NEU3: variants seen among roughly 807,000 people sequenced by gnomAD.
NEU3 encodes sialidase-3.
A neutral mutation model predicts 11.4 loss-of-function variants in NEU3; 10 were observed. The observed-to-expected ratio is 0.88, with a 90% CI of 0.54 to 1.49. NEU3 has a LOEUF of 1.49. Ranked by LOEUF, NEU3 falls within the 40% of genes most tolerant of loss-of-function variation. The pLI is 0.00. For synonymous variants in NEU3, 212 were observed against 228.2 expected, an observed-to-expected ratio of 0.93 and a Z score of 0.64; for missense variants, 529 against 581.8, an observed-to-expected ratio of 0.91 and a Z score of 0.93.
At position 74,989,059 on chromosome 11, in the gene NEU3, G is replaced by A. The variant is rs1179660716; in HGVS notation, c.-2G>A. 1 of 1,550,038 alleles carries A rather than the reference G, an allele frequency of 6.5e-7. No homozygotes were observed. The highest frequency in any genetic ancestry group is 2.0e-5 in the Admixed American group (1 of 50,968). Reference sequence around the variant, plus strand: ...GCCGGTGCCTCTTCCGGGCTTCGGCGAATGAGACCTGCGGACCTGCCCCCG... The same window carrying A: ...GCCGGTGCCTCTTCCGGGCTTCGGCAAATGAGACCTGCGGACCTGCCCCCG... On this transcript the variant is annotated 5_prime_UTR_variant, in exon 1 of 3. Transcript: ENST00000294064.
chr11:74,989,195 C>T lies in NEU3; in HGVS notation c.94+41C>T, dbSNP rs372716974. Reference sequence around the variant, plus strand: ...AGACAGGAGAGCTCCCCGAGGAGGACTCAACTGTGGGGACAGGTTGAGCAA... The same window carrying T: ...AGACAGGAGAGCTCCCCGAGGAGGATTCAACTGTGGGGACAGGTTGAGCAA... On this transcript the variant is annotated intron_variant, in intron 1 of 2. Coordinates refer to ENST00000294064, the MANE Select transcript of NEU3 (RefSeq NM_006656.6). 7 of 1,489,572 alleles carry T rather than the reference C, an allele frequency of 4.7e-6. No individual in the cohort carries two copies. The African/African-American group carries it at 8.4e-5, about 18-fold the overall frequency. The allele number at this position is 1,489,572 out of a possible 1,614,324, so 92.3% of individuals were successfully genotyped here.
Position 75,005,692 on chromosome 11 carries a change from C to T in NEU3, c.586C>T (p.Pro196Ser), listed in dbSNP as rs144642169. The change falls in exon 3 of 3, where the codon CCA becomes TCA. Residue 196 changes from proline (P) to serine (S), a missense_variant. By Grantham distance (74) the Pro-to-Ser change is moderately conservative (BLOSUM62 -1). Coordinates refer to ENST00000294064, the MANE Select transcript of NEU3 (RefSeq NM_006656.6). The stretch of plus-strand genomic sequence containing the variant: ...GCACTGGGCCACATTTGCTGTGGGC[C>T]CAGGTCATGGCATCCAGCTGCAGTC... ...LKHWATFAVG[P>S]GHGIQLQSGR... 16 of 1,613,948 alleles carry T rather than the reference C, an allele frequency of 9.9e-6. No homozygotes were observed. Among genetic ancestry groups the T allele is most frequent in the Non-Finnish European group, 1.4e-5 (16 of 1,179,872 alleles).
At chr11:74,987,963 T>A (rs1948687839), upstream of NEU3, among the ~76,000 whole-genome samples, 1 of 136,128 alleles carries the variant, frequency 7.3e-6, no homozygotes, top group South Asian at 2.3e-4. Context: ...CTATGTTCTT[T>A]CAAAGAACCC....
At chr11:74,991,766 T>C (rs1948734710) in intron 1 of NEU3, among the ~76,000 whole-genome samples, 1 of 152,232 alleles carries the variant, frequency 6.6e-6, no homozygotes, top group Admixed American at 6.5e-5. Flanking sequence ...CCTTGTCCTC[T>C]GCGCTTCTCC....
At chr11:74,988,678 G>T, upstream of NEU3, 1 of 286,436 alleles carries the variant, frequency 3.5e-6, no homozygotes, top group Non-Finnish European at 6.6e-6. Context: ...CAATATAAGA[G>T]CTCGGGGCTG....
chr11:75,017,821 G>C (rs962279837), intron 3 of NEU3, among the ~76,000 whole-genome samples: 1 of 152,140 alleles, frequency 6.6e-6, no homozygotes, highest in African/African-American at 2.4e-5. Flanking sequence ...GAACAATGGG[G>C]GCCTCTGGTC....
chr11:74,994,596 C>T lies in NEU3; in HGVS notation c.182C>T (p.Ala61Val). ...AGAGGGATTACCTACCGGATCCCAG[C>T]CCTGCTCTACATACCCCCCACCCAC... ...DDRGITYRIP[A>V]LLYIPPTHTF... Residue 61 changes from alanine (A) to valine (V), a missense_variant, in exon 2 of 3, where the codon GCC becomes GTC. By Grantham distance (64) the Ala-to-Val change is moderately conservative. Transcript: ENST00000294064. 2 of 1,613,964 alleles carry T rather than the reference C, an allele frequency of 1.2e-6. No homozygotes were observed. Among genetic ancestry groups the T allele is most frequent in the South Asian group, 2.2e-5 (2 of 91,078 alleles).
chr11:75,011,758 C>T (rs1008274485), downstream of NEU3, among the ~76,000 whole-genome samples: 3 of 152,240 alleles, frequency 2.0e-5, no homozygotes, highest in Middle Eastern at 3.4e-3. Context: ...TACCCATCCT[C>T]ACAGAAACTT....
chr11:75,015,190 A>T (rs1325114823), downstream of NEU3, among the ~76,000 whole-genome samples: 1 of 152,054 alleles, frequency 6.6e-6, no homozygotes, highest in African/African-American at 2.4e-5. Context: ...GGGATTGGTG[A>T]CCTTATAAAA....
At chr11:75,017,324 G>T (rs1948984578) in intron 3 of NEU3, among the ~76,000 whole-genome samples, 1 of 152,172 alleles carries the variant, frequency 6.6e-6, no homozygotes, top group Non-Finnish European at 1.5e-5. Flanking sequence ...ACTTGCTAAG[G>T]TGCTGAGGCT....
upstream of NEU3, among the ~76,000 whole-genome samples, chr11:74,983,547 A>G (rs189667598): frequency 7.4e-4 from 112 of 152,348 alleles, no homozygotes; most frequent in African/African-American, 2.5e-3. Context: ...TCTTGAGGAA[A>G]CAACAGCGGC....
chr11:74,987,890 T>TTTTTTTG (rs1948685359), upstream of NEU3, among the ~76,000 whole-genome samples: 1 of 84,138 alleles, frequency 1.2e-5, no homozygotes, highest in African/African-American at 5.1e-5. Flanking sequence ...CTAGGCCTTT[T>TTTTTTTG]TTTTTTTCTT....
upstream of NEU3, among the ~76,000 whole-genome samples, chr11:74,985,373 G>C (rs927841663): frequency 6.6e-6 from 1 of 152,078 alleles, no homozygotes; most frequent in African/African-American, 2.4e-5. Flanking sequence ...CTGGAATGTG[G>C]TGTTTATTAT....
At chr11:75,016,765 C>G (rs1330400449) in intron 3 of NEU3, among the ~76,000 whole-genome samples, 1 of 152,174 alleles carries the variant, frequency 6.6e-6, no homozygotes, top group African/African-American at 2.4e-5. Flanking sequence ...TGATCCCCAG[C>G]AGCCCGAGTT....
At chr11:74,985,415 A>G (rs1357236815), upstream of NEU3, among the ~76,000 whole-genome samples, 1 of 152,202 alleles carries the variant, frequency 6.6e-6, no homozygotes, top group Non-Finnish European at 1.5e-5. Flanking sequence ...ATATGTGTCC[A>G]TTATATATAT....
intron 2 of NEU3, among the ~76,000 whole-genome samples, chr11:74,995,980 C>T (rs1304469083): frequency 6.6e-6 from 1 of 151,882 alleles, no homozygotes; most frequent in African/African-American, 2.4e-5. Flanking sequence ...ATAGCAAGAC[C>T]TTATCTCTAA....
rs543976406 is a variant in NEU3, at chr11:75,009,934, G to A, written c.*3442G>A. 1 of 152,346 alleles carries A rather than the reference G, an allele frequency of 6.6e-6. No homozygotes were observed. The highest frequency in any genetic ancestry group is 2.4e-5 in the African/African-American group (1 of 41,558). 9.4% of individuals were successfully genotyped at this position (152,346 alleles called of 1,614,324 possible). A position where few individuals can be genotyped will look rare whatever the true frequency, so the allele number is the denominator to read the frequency against. ...AGAGGCTTTTCACCCTGCCTGTTGG[G>A]TAGCCCAGAGGACCCACAAAGGTCA... On this transcript the variant is annotated 3_prime_UTR_variant, in exon 3 of 3. Coordinates refer to ENST00000294064, the MANE Select transcript of NEU3 (RefSeq NM_006656.6).
chr11:75,006,103 A>G lies in NEU3; in HGVS notation c.997A>G (p.Ser333Gly). ...EIPHRCQDSS[S>G]KDAPTIQQSS... Reference sequence around the variant, plus strand: ...CCCACATAGGTGCCAGGACTCTAGCAGCAAAGATGCACCCACCATTCAGCA... The same window carrying G: ...CCCACATAGGTGCCAGGACTCTAGCGGCAAAGATGCACCCACCATTCAGCA... The change falls in exon 3 of 3, where the codon AGC (serine) becomes GGC (glycine). Residue 333 changes from serine to glycine, a missense_variant. Transcript: ENST00000294064. The G allele has an allele frequency of 6.2e-7, 1 of 1,614,028 alleles. No homozygotes were observed. The highest frequency in any genetic ancestry group is 2.2e-5 in the East Asian group (1 of 44,890).
intron 2 of NEU3, among the ~76,000 whole-genome samples, chr11:75,003,898 A>T (rs2140248582): frequency 6.6e-6 from 1 of 152,294 alleles, no homozygotes; most frequent in African/African-American, 2.4e-5. Flanking sequence ...AAAAAAAAAA[A>T]AATTATGGAA....
Sources: gnomAD v4.1 joint callset for allele counts (sites outside exome capture counted in the v4.1 genomes callset) on GRCh38, gnomAD v4.1.1 for gene constraint, MANE v1.5 for transcripts, NCBI Gene and HGNC (gene_info 2026-07-23, HGNC 2026-07-21) for gene names.